HNF4G: variants seen among roughly 807,000 people sequenced by gnomAD.
HNF4G encodes hepatocyte nuclear factor 4-gamma.
Under a neutral mutation model 50.9 loss-of-function variants are expected in HNF4G, and 21 were observed. The ratio of observed to expected loss-of-function variants is 0.41; its 90% CI spans 0.29 to 0.59. HNF4G has a LOEUF of 0.59. Ranked by LOEUF, HNF4G falls within the 20% of genes least tolerant of loss-of-function variation. The pLI is 0.26. For synonymous variants in HNF4G, 198 were observed against 185.6 expected, an observed-to-expected ratio of 1.07 and a Z score of -0.54; for missense variants, 527 against 559.4, an observed-to-expected ratio of 0.94 and a Z score of 0.58.
At chr8:75,529,187 A>G (rs1585925869) in intron 2 of HNF4G, among the ~76,000 whole-genome samples, 1 of 152,070 alleles carries the variant, frequency 6.6e-6, no homozygotes. Context: ...GCTACTCTGG[A>G]GGCTGAGGCA....
At chr8:75,468,063 A>G (rs892003642) in intron 1 of HNF4G, among the ~76,000 whole-genome samples, 1 of 152,246 alleles carries the variant, frequency 6.6e-6, no homozygotes, top group Non-Finnish European at 1.5e-5. Context: ...ACAAATAATT[A>G]TATCATTGCA....
chr8:75,553,886 G>A (rs1011633913), intron 5 of HNF4G, among the ~76,000 whole-genome samples: 1 of 151,774 alleles, frequency 6.6e-6, no homozygotes, highest in Non-Finnish European at 1.5e-5. Flanking sequence ...TAAATACTTA[G>A]GAACTTGAAT....
chr8:75,558,223 C>T (rs570609439), intron 6 of HNF4G, among the ~76,000 whole-genome samples: 77 of 152,254 alleles, frequency 5.1e-4, no homozygotes, highest in African/African-American at 1.8e-3. Context: ...AAAAACTAAT[C>T]ATTATATTTA....
intron 2 of HNF4G, among the ~76,000 whole-genome samples, chr8:75,523,459 TTTCTGCATTTCCCAG>T (rs1280195237): frequency 3.9e-5 from 6 of 152,292 alleles, no homozygotes; most frequent in Admixed American, 6.5e-5. Flanking sequence ...TTTATTTTAT[TTTCTGCATTTCCCAG>T]TCATACACAC....
chr8:75,523,747 T>C (rs1806108109), intron 2 of HNF4G, among the ~76,000 whole-genome samples: 1 of 151,896 alleles, frequency 6.6e-6, no homozygotes, highest in Admixed American at 6.6e-5. Context: ...TTTATAATAC[T>C]AAATAGAGTA....
At chr8:75,409,702 T>C (rs997553292) in intron 1 of HNF4G, among the ~76,000 whole-genome samples, 1 of 151,974 alleles carries the variant, frequency 6.6e-6, no homozygotes, top group African/African-American at 2.4e-5. Context: ...TTGGTCAGGC[T>C]GGTCTTGAAC....
chr8:75,479,577 ATTTT>A (rs66931689), intron 1 of HNF4G, among the ~76,000 whole-genome samples: 16,388 of 144,536 alleles, frequency 0.11, 915 homozygotes, highest in African/African-American at 0.14. Context: ...CTTCATTTGC[ATTTT>A]TTTTTTTTTT....
intron 1 of HNF4G, among the ~76,000 whole-genome samples, chr8:75,476,880 C>T (rs1019050017): frequency 6.6e-6 from 1 of 152,150 alleles, no homozygotes; most frequent in Non-Finnish European, 1.5e-5. Flanking sequence ...TAGAAGGAAA[C>T]ATCAGGAGTG....
chr8:75,516,212 A>G (rs1805885128), intron 2 of HNF4G, among the ~76,000 whole-genome samples: 1 of 152,232 alleles, frequency 6.6e-6, no homozygotes, highest in Non-Finnish European at 1.5e-5. Context: ...TACACATTTA[A>G]TATTATATAT....
chr8:75,501,728 A>T (rs552702021), intron 2 of HNF4G, among the ~76,000 whole-genome samples: 107 of 152,316 alleles, frequency 7.0e-4, no homozygotes, highest in Non-Finnish European at 9.4e-4. Context: ...TTAAAATGGT[A>T]TATATTTATG....
At chr8:75,548,579 A>G (rs985815118) in intron 3 of HNF4G, among the ~76,000 whole-genome samples, 1 of 152,216 alleles carries the variant, frequency 6.6e-6, no homozygotes, top group East Asian at 1.9e-4. Context: ...TAATCTGATT[A>G]TATTCTCCTA....
intron 2 of HNF4G, among the ~76,000 whole-genome samples, chr8:75,510,151 T>A (rs1457522499): frequency 1.3e-5 from 2 of 152,032 alleles, no homozygotes; most frequent in African/African-American, 4.8e-5. Context: ...GTGTGTGTAT[T>A]TGTCTTAATA....
At chr8:75,545,857 A>G (rs1219318992) in intron 2 of HNF4G, among the ~76,000 whole-genome samples, 1 of 151,974 alleles carries the variant, frequency 6.6e-6, no homozygotes, top group Non-Finnish European at 1.5e-5. Flanking sequence ...TGTGTATTCA[A>G]TTTTTGTTAT....
At chr8:75,523,130 C>A (rs1271034567) in intron 2 of HNF4G, among the ~76,000 whole-genome samples, 1 of 151,874 alleles carries the variant, frequency 6.6e-6, no homozygotes, top group Non-Finnish European at 1.5e-5. Context: ...GAGGCTGAGG[C>A]AGGAGAATTG....
chr8:75,464,801 A>G (rs973890128), intron 1 of HNF4G, among the ~76,000 whole-genome samples: 3 of 152,210 alleles, frequency 2.0e-5, no homozygotes, highest in African/African-American at 7.2e-5. Context: ...AATAGTGTAC[A>G]GGAAAACACC....
At chr8:75,438,948 G>T (rs935691879) in intron 1 of HNF4G, among the ~76,000 whole-genome samples, 4 of 151,552 alleles carry the variant, frequency 2.6e-5, no homozygotes, top group African/African-American at 9.7e-5. Flanking sequence ...CTCTTGAAAG[G>T]TACTCCAAAA....
chr8:75,442,522 C>T (rs1811311990), intron 1 of HNF4G, among the ~76,000 whole-genome samples: 2 of 151,982 alleles, frequency 1.3e-5, no homozygotes, highest in African/African-American at 2.4e-5. Flanking sequence ...TGCAGTGAGT[C>T]ATGATTGTGT....
At chr8:75,551,306 T>G in intron 3 of HNF4G, 82 bp from the exon 4 acceptor site, 1 of 652,064 alleles carries the variant, frequency 1.5e-6, no homozygotes, top group East Asian at 3.1e-5. Context: ...TTTTTTTACT[T>G]AAAAAAAAAA....
Position 75,506,087 on chromosome 8 carries a change from G to A in HNF4G, c.-24+15879G>A, listed in dbSNP as rs1585904345. On this transcript the variant is annotated intron_variant, in intron 2 of 10. Coordinates refer to the HNF4G transcript ENST00000354370. Reference sequence around the variant, plus strand: ...TACACTTTTTAAAATGATTATGTCAGTAATTTAACATTAGGCATATATTAG... The same window carrying A: ...TACACTTTTTAAAATGATTATGTCAATAATTTAACATTAGGCATATATTAG... Among the ~76,000 whole-genome samples, 3 of 151,864 alleles carry A rather than the reference G, an allele frequency of 2.0e-5. No individual in the cohort carries two copies. The South Asian group carries it at 6.2e-4, about 31-fold the overall frequency.
Sources: gnomAD v4.1 joint callset for allele counts (sites outside exome capture counted in the v4.1 genomes callset) on GRCh38, gnomAD v4.1.1 for gene constraint, MANE v1.5 for transcripts, NCBI Gene and HGNC (gene_info 2026-07-23, HGNC 2026-07-21) for gene names.